ERGIC1: variants seen among roughly 807,000 people sequenced by gnomAD.
ERGIC1 encodes the protein endoplasmic reticulum-golgi intermediate compartment 1, also known as endoplasmic reticulum-Golgi intermediate compartment protein 1.
A neutral mutation model predicts 38.3 loss-of-function variants in ERGIC1; 19 were observed. That is an observed-to-expected ratio of 0.50 (90% CI 0.35 to 0.73). The LOEUF is 0.73. ERGIC1 is among the 30% of genes least tolerant of loss of function. ERGIC1 has a pLI of 0.01. For synonymous variants in ERGIC1, 124 were observed against 157.6 expected (o/e 0.79, Z 1.60); for missense variants, 294 against 389.2 (o/e 0.76, Z 2.06).
chr5:172,892,024 A>AACT (rs1453486784), intron 2 of ERGIC1, among the ~76,000 whole-genome samples: 9 of 148,416 alleles, frequency 6.1e-5, no homozygotes. Flanking sequence ...TCTGTAAGGT[A>AACT]ACTTCCCTAG....
At position 172,885,109 on chromosome 5, in the gene ERGIC1, T is replaced by C. The variant is rs552607918; in HGVS notation, c.21-3590T>C. The stretch of plus-strand genomic sequence containing the variant: ...TCCAGTTTTGAAACAATGGTTCTTA[T>C]ATTTTTTATTTTTTAATTTTTATTT... On this transcript the variant is annotated intron_variant, in intron 1 of 9. Transcript: ENST00000393784. Among the ~76,000 whole-genome samples, 37 of 152,234 alleles carry C rather than the reference T, an allele frequency of 2.4e-4. 1 individual carries two copies. The highest frequency in any genetic ancestry group is 7.9e-4 in the African/African-American group (33 of 41,540).
Position 172,932,437 on chromosome 5 carries a change from C to T in ERGIC1, c.543C>T (p.Pro181=), listed in dbSNP as rs1763798977. Residue 181 remains proline (P), a splice_region_variant and synonymous_variant, in exon 8 of 10, where the codon CCC becomes CCT. Coordinates refer to ENST00000393784, the MANE Select transcript of ERGIC1 (RefSeq NM_001031711.3). The stretch of plus-strand genomic sequence containing the variant: ...CATTCTGCTGTGTCCTTCCCGCAGC[C>T]CTGGCCTCCCACGACTACATCCTGA... ...LGGADRLTSN[P]LASHDYILKI... 1.2e-6 allele frequency: 2 copies of T among 1,614,108 alleles called. No individual in the cohort carries two copies. Among genetic ancestry groups the T allele is most frequent in the East Asian group, 2.2e-5 (1 of 44,868 alleles).
At chr5:172,907,120 T>TC (rs1422401755) in intron 3 of ERGIC1, among the ~76,000 whole-genome samples, 1 of 151,928 alleles carries the variant, frequency 6.6e-6, no homozygotes, top group Non-Finnish European at 1.5e-5. Flanking sequence ...TCCTCTCCAT[T>TC]CCCATCCCAC....
At position 172,877,456 on chromosome 5, in the gene ERGIC1, A is replaced by ATT. The variant is rs1561713693; in HGVS notation, c.21-11242_21-11241insTT. On this transcript the variant is annotated intron_variant, in intron 1 of 9. Coordinates refer to ENST00000393784, the MANE Select transcript of ERGIC1 (RefSeq NM_001031711.3). Reference sequence around the variant, plus strand: ...TGTGTGTGTGTATATATATATATATATATTTTTTTTTTTTTTTTTTGAGAT... The same window carrying ATT: ...TGTGTGTGTGTATATATATATATATATTTATTTTTTTTTTTTTTTTTTGAGAT... 2.5e-3 allele frequency among the ~76,000 whole-genome samples: 197 copies of ATT among 79,740 alleles called. 2 individuals are homozygous for ATT. The highest frequency in any genetic ancestry group is 0.011 in the East Asian group (32 of 2,982). The allele number at this position is 79,740 out of a possible 152,430, so 52.3% of individuals were successfully genotyped here.
chr5:172,892,062 GTTTTTTTTTTTT>G lies in ERGIC1; in HGVS notation c.82+3315_82+3326del, dbSNP rs573472747. Among the ~76,000 whole-genome samples the G allele has an allele frequency of 1.2e-4, 11 of 90,230 alleles. No individual in the cohort carries two copies. In the East Asian group the frequency reaches 1.4e-3, roughly 11 times the overall value. The allele number at this position is 90,230 out of a possible 152,430, so 59.2% of individuals were successfully genotyped here. A position where few individuals can be genotyped will look rare whatever the true frequency, so the allele number is the denominator to read the frequency against. On this transcript the variant is annotated intron_variant, in intron 2 of 9. Transcript: ENST00000393784. ...GAGGAATTACTGGGTTAAAGAGTAT[GTTTTTTTTTTTT>G]TTTTTTTTTTTTGAAACTTACAAGG...
At chr5:172,901,766 T>C (rs1031153194) in intron 3 of ERGIC1, among the ~76,000 whole-genome samples, 1 of 152,098 alleles carries the variant, frequency 6.6e-6, no homozygotes, top group African/African-American at 2.4e-5. Flanking sequence ...CCTGGCTAAT[T>C]TTTTAATTCT....
intron 1 of ERGIC1, among the ~76,000 whole-genome samples, chr5:172,855,856 T>TG (rs2113064876): frequency 6.6e-6 from 1 of 152,354 alleles, no homozygotes; most frequent in South Asian, 2.1e-4. Flanking sequence ...CAGCCTGTGC[T>TG]TCAGAGGCTG....
chr5:172,897,149 C>T, intron 3 of ERGIC1, 75 bp downstream of exon 3: 4 of 1,459,920 alleles, frequency 2.7e-6, no homozygotes, highest in Admixed American at 1.7e-5. Context: ...GGGTCTTTGG[C>T]CAGGTTTGGT....
At chr5:172,901,073 G>T (rs1369933412) in intron 3 of ERGIC1, among the ~76,000 whole-genome samples, 1 of 152,218 alleles carries the variant, frequency 6.6e-6, no homozygotes, top group Non-Finnish European at 1.5e-5. Context: ...CTTCTGGGTG[G>T]CTGGCCCTCT....
intron 2 of ERGIC1, among the ~76,000 whole-genome samples, chr5:172,892,990 A>G (rs980724539): frequency 2.0e-5 from 3 of 152,132 alleles, no homozygotes; most frequent in Non-Finnish European, 4.4e-5. Flanking sequence ...AAGCACACAG[A>G]TTTCAGGAGG....
chr5:172,913,499 G>A (rs900884486), intron 4 of ERGIC1, among the ~76,000 whole-genome samples: 1 of 152,218 alleles, frequency 6.6e-6, no homozygotes, highest in Non-Finnish European at 1.5e-5. Flanking sequence ...GCTCCAGCAC[G>A]TTCCCTTCTA....
At chr5:172,888,892 T>C in intron 2 of ERGIC1, 132 bp downstream of exon 2, 1 of 850,798 alleles carries the variant, frequency 1.2e-6, no homozygotes, top group Non-Finnish European at 2.0e-6. Context: ...CTGAGCATCT[T>C]GCGGGGGCCC....
At chr5:172,841,591 G>A (rs907000498) in intron 1 of ERGIC1, among the ~76,000 whole-genome samples, 4 of 152,252 alleles carry the variant, frequency 2.6e-5, no homozygotes, top group Admixed American at 6.5e-5. Context: ...AGTAAAGTCA[G>A]AGGACCCGGA....
At chr5:172,872,881 A>T (rs1581530079) in intron 1 of ERGIC1, among the ~76,000 whole-genome samples, 1 of 152,258 alleles carries the variant, frequency 6.6e-6, no homozygotes, top group African/African-American at 2.4e-5. Context: ...AGCAAAGCTG[A>T]ATCAATTGGG....
At chr5:172,931,743 T>C (rs1763779019) in intron 7 of ERGIC1, among the ~76,000 whole-genome samples, 1 of 152,138 alleles carries the variant, frequency 6.6e-6, no homozygotes, top group African/African-American at 2.4e-5. Flanking sequence ...TTCTCCTATA[T>C]ATTTACATGG....
At chr5:172,895,621 A>G (rs973553594) in intron 2 of ERGIC1, among the ~76,000 whole-genome samples, 2 of 152,102 alleles carry the variant, frequency 1.3e-5, no homozygotes, top group Non-Finnish European at 2.9e-5. Flanking sequence ...AATGTGGGAC[A>G]TGTTCAAGCA....
chr5:172,894,186 C>A (rs1581549836), intron 2 of ERGIC1, among the ~76,000 whole-genome samples: 2 of 45,800 alleles, frequency 4.4e-5, no homozygotes, highest in Non-Finnish European at 8.4e-5. Context: ...TTCCCCGGTA[C>A]AACTTTTTCT....
At chr5:172,842,591 C>T (rs910967879) in intron 1 of ERGIC1, among the ~76,000 whole-genome samples, 1 of 152,154 alleles carries the variant, frequency 6.6e-6, no homozygotes, top group Non-Finnish European at 1.5e-5. Flanking sequence ...GAGAAATCTT[C>T]CTCCTGTTTT....
At chr5:172,876,923 CAA>C (rs950406400) in intron 1 of ERGIC1, among the ~76,000 whole-genome samples, 12 of 151,990 alleles carry the variant, frequency 7.9e-5, no homozygotes, top group Admixed American at 7.9e-4. Context: ...GCCTGGGCGA[CAA>C]GAGTGAAACT....
Sources: allele counts gnomAD v4.1 joint callset (sites outside exome capture counted in the v4.1 genomes callset), GRCh38; gene constraint gnomAD v4.1.1; transcripts MANE v1.5; gene names NCBI Gene and HGNC (gene_info 2026-07-23, HGNC 2026-07-21).